Variants in SLC24A3 observed in about 807,000 individuals in gnomAD.
SLC24A3 encodes the protein solute carrier family 24 member 3.
A neutral mutation model predicts 75.8 loss-of-function variants in SLC24A3; 28 were observed. That is an observed-to-expected ratio of 0.37 (90% CI 0.27 to 0.51). SLC24A3 has a LOEUF of 0.51. Ranked by LOEUF, SLC24A3 falls within the 20% of genes least tolerant of loss-of-function variation. SLC24A3 has a pLI of 0.94. For missense variants in SLC24A3, 663 were observed against 847.8 expected (o/e 0.78, Z 2.71); for synonymous variants, 372 against 334.1 (o/e 1.11, Z -1.24).
chr20:19,215,510 G>A (rs1981528868), intron 1 of SLC24A3, among the ~76,000 whole-genome samples: 1 of 152,090 alleles, frequency 6.6e-6, no homozygotes, highest in South Asian at 2.1e-4. Flanking sequence ...TGAAAGCCAT[G>A]CAGTGATTGT....
intron 2 of SLC24A3, among the ~76,000 whole-genome samples, chr20:19,319,434 G>A (rs551916976): frequency 5.9e-5 from 9 of 152,298 alleles, no homozygotes; most frequent in African/African-American, 1.2e-4. Flanking sequence ...GCAACTCGCC[G>A]CTGCTCACTC....
intron 2 of SLC24A3, among the ~76,000 whole-genome samples, chr20:19,432,389 G>A (rs943181398): frequency 1.3e-5 from 2 of 151,222 alleles, no homozygotes; most frequent in Non-Finnish European, 2.9e-5. Flanking sequence ...AAGAAAAAAT[G>A]CCTGATTAAT....
At chr20:19,295,814 T>G (rs995597662) in intron 2 of SLC24A3, among the ~76,000 whole-genome samples, 19 of 145,894 alleles carry the variant, frequency 1.3e-4, no homozygotes, top group African/African-American at 4.4e-4. Context: ...TTAAGTTTTT[T>G]TTTTTGTTGT....
At chr20:19,369,959 C>T (rs1192895169) in intron 2 of SLC24A3, among the ~76,000 whole-genome samples, 2 of 152,150 alleles carry the variant, frequency 1.3e-5, no homozygotes, top group Non-Finnish European at 2.9e-5. Flanking sequence ...TGAGCCACTG[C>T]ACCCGACTGA....
intron 7 of SLC24A3, among the ~76,000 whole-genome samples, chr20:19,661,799 C>T (rs1422506020): frequency 6.6e-5 from 10 of 152,246 alleles, no homozygotes; most frequent in South Asian, 6.2e-4. Flanking sequence ...TCTTCTCTCC[C>T]GCGTATACTA....
chr20:19,302,453 G>C (rs535990098), intron 2 of SLC24A3, among the ~76,000 whole-genome samples: 4 of 152,268 alleles, frequency 2.6e-5, no homozygotes, highest in Non-Finnish European at 5.9e-5. Flanking sequence ...ACAAACTCCA[G>C]TGTATTTATT....
rs74675618 is a variant in SLC24A3 at position 19,654,314 on chromosome 20, G to A, written c.687+178G>A. On this transcript the variant is annotated intron_variant, in intron 7 of 16. Coordinates refer to ENST00000328041, the MANE Select transcript of SLC24A3 (RefSeq NM_020689.4). ...CTTTGATCACCCAGAACTCCAGCCT[G>A]ACCAATTGCTGGTCAGAGCCGGCAT... 5.2e-3 allele frequency among the ~76,000 whole-genome samples: 785 copies of A among 152,120 alleles called. 6 individuals carry two copies. Among genetic ancestry groups the A allele is most frequent in the African/African-American group, 0.017 (722 of 41,510 alleles).
intron 3 of SLC24A3, among the ~76,000 whole-genome samples, chr20:19,518,595 G>C (rs2030041154): frequency 6.6e-6 from 1 of 152,218 alleles, no homozygotes; most frequent in African/African-American, 2.4e-5. Flanking sequence ...AGTCTAGAGA[G>C]AGCAGAAACC....
At chr20:19,582,810 A>G (rs1023593790) in intron 4 of SLC24A3, among the ~76,000 whole-genome samples, 6 of 152,204 alleles carry the variant, frequency 3.9e-5, no homozygotes, top group African/African-American at 1.2e-4. Flanking sequence ...AACATGAACC[A>G]AAGCGCAGCG....
At chr20:19,365,872 T>A (rs950165859) in intron 2 of SLC24A3, among the ~76,000 whole-genome samples, 1 of 152,240 alleles carries the variant, frequency 6.6e-6, no homozygotes, top group African/African-American at 2.4e-5. Context: ...ATCCTTTTAT[T>A]TGATTTCTGA....
rs11473481 is a variant in SLC24A3 at position 19,263,033 on chromosome 20, TTGTGTGTGTGTGTGTGTGTGTG to T, written c.143-17908_143-17887del. 2.7e-4 allele frequency among the ~76,000 whole-genome samples: 39 copies of T among 143,246 alleles called. No individual in the cohort carries two copies. The East Asian group carries it at 6.4e-3, about 23-fold the overall frequency. 94.0% of individuals were successfully genotyped at this position (143,246 alleles called of 152,430 possible). ...CTCGCTCCATCACCCACTCCAGCCT[TTGTGTGTGTGTGTGTGTGTGTG>T]TGTGTGTGTGTGTGTGTTTTCTGTT... is the stretch of plus-strand genomic sequence containing the variant. On this transcript the variant is annotated intron_variant, in intron 1 of 16. Coordinates refer to ENST00000328041, the MANE Select transcript of SLC24A3 (RefSeq NM_020689.4).
chr20:19,447,288 G>A (rs1355507430), intron 2 of SLC24A3, among the ~76,000 whole-genome samples: 1 of 152,202 alleles, frequency 6.6e-6, no homozygotes, highest in Non-Finnish European at 1.5e-5. Flanking sequence ...CTGGCAAACG[G>A]GGAAGGGAGC....
chr20:19,457,250 C>T (rs1987593877), intron 2 of SLC24A3, among the ~76,000 whole-genome samples: 1 of 152,134 alleles, frequency 6.6e-6, no homozygotes, highest in East Asian at 1.9e-4. Context: ...TGGAGGAGGG[C>T]AGAGTCTTGC....
At chr20:19,680,162 CTGTG>C (rs1377982134) in intron 9 of SLC24A3, among the ~76,000 whole-genome samples, 2 of 142,814 alleles carry the variant, frequency 1.4e-5, no homozygotes, top group Admixed American at 1.5e-4. Context: ...CTGTGTGTGT[CTGTG>C]TGTCTCTGTG....
At chr20:19,322,630 G>T (rs978924824) in intron 2 of SLC24A3, among the ~76,000 whole-genome samples, 1 of 152,108 alleles carries the variant, frequency 6.6e-6, no homozygotes, top group Non-Finnish European at 1.5e-5. Context: ...GTGAAATTTA[G>T]TTAGGTTATA....
chr20:19,641,476 G>C (rs1324127909), intron 6 of SLC24A3, among the ~76,000 whole-genome samples: 1 of 152,176 alleles, frequency 6.6e-6, no homozygotes, highest in East Asian at 1.9e-4. Flanking sequence ...CAGCGCTGCT[G>C]GTGTGTGGAC....
At chr20:19,239,022 G>T (rs1345499342) in intron 1 of SLC24A3, among the ~76,000 whole-genome samples, 5 of 151,010 alleles carry the variant, frequency 3.3e-5, no homozygotes, top group African/African-American at 9.7e-5. Flanking sequence ...CACTCCTAAG[G>T]TTGGGATGCA....
chr20:19,389,083 C>T (rs1986323771), intron 2 of SLC24A3, among the ~76,000 whole-genome samples: 1 of 152,056 alleles, frequency 6.6e-6, no homozygotes. Flanking sequence ...CTGATAACAG[C>T]TTACCATTCA....
At chr20:19,645,663 A>G (rs1019612812) in intron 6 of SLC24A3, among the ~76,000 whole-genome samples, 1 of 152,130 alleles carries the variant, frequency 6.6e-6, no homozygotes, top group African/African-American at 2.4e-5. Flanking sequence ...TGTTGTGGAC[A>G]TCCCCCCTAA....
Sources: gnomAD v4.1 joint callset for allele counts (sites outside exome capture counted in the v4.1 genomes callset) on GRCh38, gnomAD v4.1.1 for gene constraint, MANE v1.5 for transcripts, NCBI Gene and HGNC (gene_info 2026-07-23, HGNC 2026-07-21) for gene names.